CDC73: variants seen among roughly 807,000 people sequenced by gnomAD.
CDC73 encodes the protein parafibromin.
CDC73 carries 21 observed loss-of-function variants against 83.7 expected under a neutral mutation model. The ratio of observed to expected loss-of-function variants is 0.25; its 90% CI spans 0.18 to 0.36. The LOEUF (loss-of-function observed/expected upper bound fraction) is 0.36, where lower values mean the gene tolerates loss of function less well. Among genes scored for constraint, CDC73 ranks in the 10% least tolerant of loss-of-function variants. CDC73 has a pLI of 1.00. For missense variants in CDC73, 342 were observed against 653.3 expected, an observed-to-expected ratio of 0.52 and a Z score of 5.19; for synonymous variants, 224 against 212.9, an observed-to-expected ratio of 1.05 and a Z score of -0.45.
chr1:193,241,855 G>A lies in CDC73; in HGVS notation c.1417+5499G>A, dbSNP rs868210626. 3.9e-5 allele frequency among the ~76,000 whole-genome samples: 6 copies of A among 152,314 alleles called. No individual in the cohort carries two copies. The South Asian group carries it at 6.2e-4, about 16-fold the overall frequency. On this transcript the variant is annotated intron_variant, in intron 15 of 16. Coordinates refer to ENST00000367435, the MANE Select transcript of CDC73 (RefSeq NM_024529.5). ...TCCTCAGGCCTCCAGGTCGCAGGCA[G>A]GGGTGGGGTGTTCTTCAGGTCCTTG...
intron 14 of CDC73, among the ~76,000 whole-genome samples, chr1:193,234,683 C>G (rs1053381868): frequency 1.3e-5 from 2 of 152,086 alleles, no homozygotes; most frequent in African/African-American, 2.4e-5. Flanking sequence ...CGTGCTGATG[C>G]TATGAGACCC....
At chr1:193,185,807 C>G (rs972087070) in intron 10 of CDC73, among the ~76,000 whole-genome samples, 3 of 151,950 alleles carry the variant, frequency 2.0e-5, no homozygotes, top group African/African-American at 7.3e-5. Flanking sequence ...TGTCTATTAC[C>G]CAGAATTACT....
At chr1:193,157,706 C>G (rs1676231233) in intron 10 of CDC73, among the ~76,000 whole-genome samples, 1 of 152,110 alleles carries the variant, frequency 6.6e-6, no homozygotes, top group Non-Finnish European at 1.5e-5. Context: ...ACTGTTTTGG[C>G]CGTCTAGTTT....
chr1:193,125,039 T>G (rs553714335), intron 1 of CDC73, 73 bp from the exon 2 acceptor site: 5 of 808,252 alleles, frequency 6.2e-6, no homozygotes, highest in Non-Finnish European at 1.1e-5. Context: ...CAAAGTTGTT[T>G]ATATAAATGA....
intron 3 of CDC73, among the ~76,000 whole-genome samples, chr1:193,134,502 C>T (rs1675753848): frequency 6.6e-6 from 1 of 152,074 alleles, no homozygotes; most frequent in Non-Finnish European, 1.5e-5. Flanking sequence ...AACCCCGTCT[C>T]TACTAAAAAT....
intron 13 of CDC73, among the ~76,000 whole-genome samples, chr1:193,226,161 A>G (rs1677564334): frequency 1.3e-5 from 2 of 152,172 alleles, no homozygotes; most frequent in Admixed American, 1.3e-4. Context: ...TCCCAGCACC[A>G]TATGTTGAAT....
intron 10 of CDC73, among the ~76,000 whole-genome samples, chr1:193,187,775 T>C (rs1314158383): frequency 6.6e-6 from 1 of 152,144 alleles, no homozygotes; most frequent in African/African-American, 2.4e-5. Context: ...GCTGATGAAA[T>C]GTGCTTTGTA....
At chr1:193,170,696 T>C (rs892956429) in intron 10 of CDC73, among the ~76,000 whole-genome samples, 2 of 152,224 alleles carry the variant, frequency 1.3e-5, no homozygotes, top group Non-Finnish European at 1.5e-5. Flanking sequence ...GGATGCATAG[T>C]TTGCAAAAAT....
intron 13 of CDC73, among the ~76,000 whole-genome samples, chr1:193,230,433 C>T (rs1558318916): frequency 6.7e-6 from 1 of 149,808 alleles, no homozygotes; most frequent in Non-Finnish European, 1.5e-5. Context: ...AGGCATAAGC[C>T]ACTGCACCTC....
At chr1:193,180,274 T>G in intron 10 of CDC73, 1 of 1,530,900 alleles carries the variant, frequency 6.5e-7, no homozygotes, top group Non-Finnish European at 8.8e-7. Flanking sequence ...AATTGCACAT[T>G]TGAAAAAAAA....
At chr1:193,235,607 G>T (rs902729217) in intron 14 of CDC73, among the ~76,000 whole-genome samples, 4 of 152,124 alleles carry the variant, frequency 2.6e-5, no homozygotes, top group Non-Finnish European at 4.4e-5. Context: ...CTACAAAGAA[G>T]TTTGTTCTTT....
chr1:193,142,717 CATT>C (rs1268642530), intron 7 of CDC73, among the ~76,000 whole-genome samples: 6 of 151,860 alleles, frequency 4.0e-5, no homozygotes, highest in African/African-American at 9.7e-5. Flanking sequence ...CATTAGAAAA[CATT>C]GTTGTACACG....
intron 2 of CDC73, among the ~76,000 whole-genome samples, chr1:193,126,090 A>T (rs1004325710): frequency 1.3e-5 from 2 of 152,158 alleles, no homozygotes; most frequent in Non-Finnish European, 2.9e-5. Flanking sequence ...GTGAGATGCC[A>T]TCTCAAGAAA....
intron 3 of CDC73, among the ~76,000 whole-genome samples, chr1:193,132,351 G>T (rs1312715950): frequency 6.6e-6 from 1 of 152,148 alleles, no homozygotes; most frequent in Non-Finnish European, 1.5e-5. Flanking sequence ...CCAAATCCCT[G>T]TCTTAAACAT....
In CDC73 at chr1:193,213,783, G is replaced by A. The variant is rs1028306700; in HGVS notation, c.1154+1306G>A. On this transcript the variant is annotated intron_variant, in intron 13 of 16. Transcript: ENST00000367435. ...TGAAGTGCTACTGGCTTGAAGTTAC[G>A]TCCTTCCAGAGTGATTTTGTGATTG... Among the ~76,000 whole-genome samples the A allele has an allele frequency of 5.9e-5, 9 of 152,266 alleles. 1 individual carries two copies. In the South Asian group the frequency reaches 1.0e-3, roughly 18 times the overall value.
rs1375571849 is a variant in CDC73 at position 193,251,030 on chromosome 1, T to G, written c.*318T>G. ...TATAAATGTGTGTATATTTAGAGAT[T>G]ATAAGGCTCTCTGAGCCATCTTCTG... On this transcript the variant is annotated 3_prime_UTR_variant, in exon 17 of 17. Coordinates refer to ENST00000367435, the MANE Select transcript of CDC73 (RefSeq NM_024529.5). The G allele has an allele frequency of 3.0e-6, 1 of 332,272 alleles. No individual in the cohort carries two copies. Among genetic ancestry groups the G allele is most frequent in the Non-Finnish European group, 5.5e-6 (1 of 180,754 alleles). 20.6% of individuals were successfully genotyped at this position (332,272 alleles called of 1,614,324 possible). A position where few individuals can be genotyped will look rare whatever the true frequency, so the allele number is the denominator to read the frequency against.
At chr1:193,211,674 G>A (rs1019984335) in intron 11 of CDC73, among the ~76,000 whole-genome samples, 1 of 152,178 alleles carries the variant, frequency 6.6e-6, no homozygotes, top group African/African-American at 2.4e-5. Flanking sequence ...TGGATATGCT[G>A]GACAAAGAGC....
At chr1:193,166,354 T>A (rs1676433992) in intron 10 of CDC73, among the ~76,000 whole-genome samples, 1 of 152,156 alleles carries the variant, frequency 6.6e-6, no homozygotes, top group African/African-American at 2.4e-5. Context: ...CACGGTTCAC[T>A]GTGTTGCCCG....
At chr1:193,166,694 T>A (rs1676440617) in intron 10 of CDC73, among the ~76,000 whole-genome samples, 1 of 151,174 alleles carries the variant, frequency 6.6e-6, no homozygotes, top group South Asian at 2.1e-4. Context: ...TTGTTGCCCC[T>A]GGAGTACAGT....
Sources: allele counts gnomAD v4.1 joint callset (sites outside exome capture counted in the v4.1 genomes callset), GRCh38; gene constraint gnomAD v4.1.1; transcripts MANE v1.5; gene names NCBI Gene and HGNC (gene_info 2026-07-23, HGNC 2026-07-21).